PCDHA1: variants seen among roughly 807,000 people sequenced by gnomAD.
The protein encoded by PCDHA1 is protocadherin alpha 1.
Under a neutral mutation model 61.3 loss-of-function variants are expected in PCDHA1, and 42 were observed. The observed-to-expected ratio is 0.69, with a 90% confidence interval of 0.54 to 0.89. The LOEUF is 0.89. Ranked by LOEUF, PCDHA1 falls within the 40% of genes least tolerant of loss-of-function variation. The probability of loss-of-function intolerance (pLI) is 0.00; values close to 1 mark genes in which losing one functional copy is unlikely to be tolerated. For missense variants in PCDHA1, 1,256 were observed against 1,235.3 expected, an observed-to-expected ratio of 1.02 and a Z score of -0.25; for synonymous variants, 610 against 553.8, an observed-to-expected ratio of 1.10 and a Z score of -1.43.
intron 1 of PCDHA1, among the ~76,000 whole-genome samples, chr5:140,900,339 G>A (rs1019458960): frequency 7.2e-5 from 11 of 151,812 alleles, no homozygotes; most frequent in East Asian, 2.0e-4. Context: ...GTACCGTGGC[G>A]CAATCTTGGC....
At chr5:140,830,439 TGG>T (rs1771067037) in intron 1 of PCDHA1, 1 of 1,611,042 alleles carries the variant, frequency 6.2e-7, no homozygotes. Flanking sequence ...CCTATTATGA[TGG>T]GTAAGGCGGA....
rs2150473987 is a variant in PCDHA1 at position 140,850,218 on chromosome 5, G to C, written c.2394+61534G>C. ...GACACCTCGGATGAGGGGCACTGAC[G>C]GCGCAGTGAGCGAGATGGTGCTGCG... is the stretch of plus-strand genomic sequence containing the variant. On this transcript the variant is annotated intron_variant, in intron 1 of 3. Transcript: ENST00000504120. 11 of 1,593,684 alleles carry C rather than the reference G, an allele frequency of 6.9e-6. 1 individual carries two copies. The highest frequency in any genetic ancestry group is 4.4e-5 in the South Asian group (4 of 90,424).
rs2045496791 is a variant in PCDHA1 at position 140,858,579 on chromosome 5, T to C, written c.2394+69895T>C. 3 of 1,349,862 alleles carry C rather than the reference T, an allele frequency of 2.2e-6. No individual in the cohort carries two copies. In the East Asian group the frequency reaches 7.4e-5, roughly 33 times the overall value. The allele number at this position is 1,349,862 out of a possible 1,614,324, so 83.6% of individuals were successfully genotyped here. On this transcript the variant is annotated intron_variant, in intron 1 of 3. Transcript: ENST00000504120. Reference sequence around the variant, plus strand: ...AATATTTCTAGTGATACCTTTGTAATATAATTTATTCCAGGAGTTTTAAAA... The same window carrying C: ...AATATTTCTAGTGATACCTTTGTAACATAATTTATTCCAGGAGTTTTAAAA...
At chr5:140,989,940 G>A (rs947716591) in intron 3 of PCDHA1, among the ~76,000 whole-genome samples, 9 of 152,062 alleles carry the variant, frequency 5.9e-5, no homozygotes, top group Admixed American at 1.3e-4. Flanking sequence ...GACATTCCAC[G>A]TTTTTCTCGG....
At chr5:140,873,642 G>T (rs1217578025) in intron 1 of PCDHA1, among the ~76,000 whole-genome samples, 1 of 152,154 alleles carries the variant, frequency 6.6e-6, no homozygotes, top group Non-Finnish European at 1.5e-5. Flanking sequence ...GAGTATGTGA[G>T]AACTACATAA....
intron 1 of PCDHA1, among the ~76,000 whole-genome samples, chr5:140,935,149 T>C (rs1241997966): frequency 6.6e-6 from 1 of 152,192 alleles, no homozygotes; most frequent in Admixed American, 6.5e-5. Context: ...CTTAGAGATA[T>C]AATCTCAACA....
intron 1 of PCDHA1, among the ~76,000 whole-genome samples, chr5:140,922,711 A>G (rs2080951866): frequency 6.6e-6 from 1 of 152,270 alleles, no homozygotes; most frequent in Non-Finnish European, 1.5e-5. Flanking sequence ...GTCAAGAACA[A>G]AAAGAAACAC....
intron 1 of PCDHA1, chr5:140,865,984 C>CT (rs1421738889): frequency 1.3e-5 from 2 of 152,088 alleles, no homozygotes; most frequent in Non-Finnish European, 2.9e-5. Context: ...TGAGATGGCA[C>CT]TAAGTTTTTT....
intron 1 of PCDHA1, chr5:140,834,474 C>T (rs1554134247): frequency 1.1e-5 from 17 of 1,614,166 alleles, no homozygotes; most frequent in Non-Finnish European, 1.3e-5. Flanking sequence ...GAGAGGCCAG[C>T]TCCACTACTC....
At chr5:140,876,388 G>A in intron 1 of PCDHA1, 2 of 1,613,896 alleles carry the variant, frequency 1.2e-6, no homozygotes, top group Non-Finnish European at 1.7e-6. Context: ...TAGAATTTAT[G>A]GTGAACTGGA....
Position 140,869,241 on chromosome 5 carries a change from C to T in PCDHA1, c.2394+80557C>T, listed in dbSNP as rs782686549. 1.9e-6 allele frequency: 3 copies of T among 1,613,628 alleles called. No homozygotes were observed. In the South Asian group the frequency reaches 3.3e-5, roughly 18 times the overall value. ...AGGCCAAACACGGCACCTTCGTGGGCCGCATCGCGCAGGACCTGGGGCTGG... is the reference window on the plus strand; with the variant it reads ...AGGCCAAACACGGCACCTTCGTGGGTCGCATCGCGCAGGACCTGGGGCTGG... On this transcript the variant is annotated intron_variant, in intron 1 of 3. Transcript: ENST00000504120.
chr5:140,795,562 C>T (rs972764639), intron 1 of PCDHA1: 2 of 1,614,122 alleles, frequency 1.2e-6, no homozygotes, highest in Non-Finnish European at 1.7e-6. Context: ...GGGGAAATCG[C>T]TGGACAGAGA....
chr5:140,828,207 C>T (rs1769609355), intron 1 of PCDHA1: 4 of 1,614,008 alleles, frequency 2.5e-6, no homozygotes, highest in Non-Finnish European at 3.4e-6. Context: ...CCCGAGGAGG[C>T]CAAACACGGC....
rs781808272 is a variant in PCDHA1, at chr5:140,856,411, A to G, written c.2394+67727A>G. Reference sequence around the variant, plus strand: ...TGCAGGTTTTCCATGTGGACGTGGAAGTGAAGGACATTAACGACAACCCGC... The same window carrying G: ...TGCAGGTTTTCCATGTGGACGTGGAGGTGAAGGACATTAACGACAACCCGC... On this transcript the variant is annotated intron_variant, in intron 1 of 3. Transcript: ENST00000504120. 31 of 1,598,328 alleles carry G rather than the reference A, an allele frequency of 1.9e-5. 3 individuals are homozygous for G. Among genetic ancestry groups the G allele is most frequent in the African/African-American group, 5.4e-5 (4 of 74,256 alleles).
At chr5:140,925,641 T>TATAATA (rs10569930) in intron 1 of PCDHA1, among the ~76,000 whole-genome samples, 37,208 of 143,074 alleles carry the variant, frequency 0.26, 4,933 homozygotes, top group Middle Eastern at 0.29. Context: ...GAACTTAAAG[T>TATAATA]ATAATAATAA....
chr5:140,823,383 G>A lies in PCDHA1; in HGVS notation c.2394+34699G>A, dbSNP rs201301158. On this transcript the variant is annotated intron_variant, in intron 1 of 3. Coordinates refer to ENST00000504120, the MANE Select transcript of PCDHA1 (RefSeq NM_018900.4). Reference sequence around the variant, plus strand: ...AGCTGCTGCAGTTCCAGGTGAGCGCGCGCGACGCGGGCGTGCCGCCTCTGG... The same window carrying A: ...AGCTGCTGCAGTTCCAGGTGAGCGCACGCGACGCGGGCGTGCCGCCTCTGG... 8.5e-5 allele frequency: 137 copies of A among 1,612,804 alleles called. 1 individual carries two copies. Among genetic ancestry groups the A allele is most frequent in the East Asian group, 8.9e-5 (4 of 44,864 alleles).
At chr5:140,949,271 TGAAAA>T (rs1377326965) in intron 1 of PCDHA1, among the ~76,000 whole-genome samples, 5 of 151,804 alleles carry the variant, frequency 3.3e-5, no homozygotes, top group Non-Finnish European at 5.9e-5. Flanking sequence ...CACGTGCACT[TGAAAA>T]GAATGTATAT....
At position 140,854,813 on chromosome 5, in the gene PCDHA1, C is replaced by T. The variant is rs957346497; in HGVS notation, c.2394+66129C>T. 2.0e-5 allele frequency: 3 copies of T among 149,256 alleles called. 1 individual carries two copies. Among genetic ancestry groups the T allele is most frequent in the Admixed American group, 6.7e-5 (1 of 14,824 alleles). The allele number at this position is 149,256 out of a possible 1,614,324, so 9.2% of individuals were successfully genotyped here. On this transcript the variant is annotated intron_variant, in intron 1 of 3. Coordinates refer to ENST00000504120, the MANE Select transcript of PCDHA1 (RefSeq NM_018900.4). ...GAGAGAGAAAAAAATATTTTTACTGCAAGTGGTGATGAAAAACTTCACTGA... is the reference window on the plus strand; with the variant it reads ...GAGAGAGAAAAAAATATTTTTACTGTAAGTGGTGATGAAAAACTTCACTGA...
At chr5:140,815,033 A>G (rs1251467889) in intron 1 of PCDHA1, 1 of 152,108 alleles carries the variant, frequency 6.6e-6, no homozygotes, top group Non-Finnish European at 1.5e-5. Context: ...TACAATTTGC[A>G]TGAAATTTTT....
Sources: gnomAD v4.1 joint callset for allele counts (sites outside exome capture counted in the v4.1 genomes callset) on GRCh38, gnomAD v4.1.1 for gene constraint, MANE v1.5 for transcripts, NCBI Gene and HGNC (gene_info 2026-07-23, HGNC 2026-07-21) for gene names.